CWC22: variants seen among roughly 807,000 people sequenced by gnomAD.
The protein encoded by CWC22 is CWC22 spliceosome associated protein.
Under a neutral mutation model 117.2 loss-of-function variants are expected in CWC22, and 53 were observed. The observed-to-expected ratio is 0.45, with a 90% CI of 0.36 to 0.57. The LOEUF (loss-of-function observed/expected upper bound fraction) is 0.57. Among genes scored for constraint, CWC22 ranks in the 20% least tolerant of loss-of-function variants. The pLI is 0.00. For missense variants in CWC22, 980 were observed against 1,068.8 expected (o/e 0.92, Z 1.16); for synonymous variants, 360 against 355.6 (o/e 1.01, Z -0.14).
Position 179,959,032 on chromosome 2 carries a change from T to C in CWC22, c.1448A>G (p.Glu483Gly). Residue 483 changes from glutamate to glycine, a missense_variant, in exon 14 of 20, where the codon GAA becomes GGA. Glu to Gly is a moderately conservative substitution (Grantham distance 98). Coordinates refer to ENST00000410053, the MANE Select transcript of CWC22 (RefSeq NM_020943.3). ...AHKLLKMEFP[E>G]SQTKELCNMI... ...AAAGTATTAACATACTGTTTGGCTTTCAGGAAACTCCATTTTCAGCAATTT... is the reference window on the plus strand; with the variant it reads ...AAAGTATTAACATACTGTTTGGCTTCCAGGAAACTCCATTTTCAGCAATTT... 6.4e-7 allele frequency: 1 copy of C among 1,561,704 alleles called. No homozygotes were observed. Among genetic ancestry groups the C allele is most frequent in the Non-Finnish European group, 8.7e-7 (1 of 1,147,902 alleles).
chr2:179,994,930 C>T (rs1460509955), intron 1 of CWC22, among the ~76,000 whole-genome samples: 1 of 152,146 alleles, frequency 6.6e-6, no homozygotes, highest in Non-Finnish European at 1.5e-5. Context: ...TCCTGGCAAA[C>T]ACAGTGAAAC....
chr2:180,006,644 G>C (rs1687984274), intron 1 of CWC22, among the ~76,000 whole-genome samples: 1 of 152,168 alleles, frequency 6.6e-6, no homozygotes, highest in South Asian at 2.1e-4. Flanking sequence ...TAATCAACTA[G>C]ATCTCATTAA....
intron 6 of CWC22, among the ~76,000 whole-genome samples, chr2:179,977,329 G>C (rs1281961373): frequency 6.6e-6 from 1 of 152,154 alleles, no homozygotes; most frequent in Non-Finnish European, 1.5e-5. Context: ...AACAACTAAA[G>C]TGTCTGTTGT....
At position 179,964,644 on chromosome 2, in the gene CWC22, C is replaced by A. The variant is rs1686843915; in HGVS notation, c.1316-16G>T. On this transcript the variant is annotated splice_polypyrimidine_tract_variant and intron_variant, in intron 12 of 19. Coordinates refer to ENST00000410053, the MANE Select transcript of CWC22 (RefSeq NM_020943.3). Reference sequence around the variant, plus strand: ...ACTTTTTGTCCTGAAAGAAACATAACAAAATTACACAACTGCAAAAATAAA... The same window carrying A: ...ACTTTTTGTCCTGAAAGAAACATAAAAAAATTACACAACTGCAAAAATAAA... 2 of 1,303,458 alleles carry A rather than the reference C, an allele frequency of 1.5e-6. No individual in the cohort carries two copies. The highest frequency in any genetic ancestry group is 1.5e-5 in the African/African-American group (1 of 68,044). The allele number at this position is 1,303,458 out of a possible 1,614,324, so 80.7% of individuals were successfully genotyped here.
intron 1 of CWC22, among the ~76,000 whole-genome samples, chr2:179,996,730 A>G (rs1348417999): frequency 6.6e-6 from 1 of 152,104 alleles, no homozygotes; most frequent in Non-Finnish European, 1.5e-5. Context: ...AACACGGTAA[A>G]GATGGTAAAT....
intron 3 of CWC22, 95 bp from the exon 4 acceptor site, chr2:179,986,900 A>G: frequency 1.7e-6 from 1 of 585,440 alleles, no homozygotes; most frequent in South Asian, 2.7e-5. Context: ...AAGCAACTCT[A>G]TGACTGAACA....
intron 4 of CWC22, among the ~76,000 whole-genome samples, chr2:179,984,607 T>C (rs867435414): frequency 6.6e-6 from 1 of 151,962 alleles, no homozygotes; most frequent in Non-Finnish European, 1.5e-5. Context: ...CAAAAAAAGA[T>C]ATTGATTTTA....
chr2:179,985,093 TTTG>T (rs1337242515), intron 4 of CWC22, among the ~76,000 whole-genome samples: 6 of 152,144 alleles, frequency 3.9e-5, no homozygotes, highest in Admixed American at 6.5e-5. Context: ...TCAGAAGAAG[TTTG>T]TTAAGAAATT....
chr2:180,001,930 C>G (rs1243713588), intron 1 of CWC22, among the ~76,000 whole-genome samples: 1 of 152,224 alleles, frequency 6.6e-6, no homozygotes, highest in African/African-American at 2.4e-5. Flanking sequence ...ATTCCCAACA[C>G]TAGAGGCTCT....
At chr2:179,958,936 T>G (rs1379403217) in intron 14 of CWC22, 86 bp downstream of exon 14, 1 of 724,174 alleles carries the variant, frequency 1.4e-6, no homozygotes. Flanking sequence ...AGGTATTGCT[T>G]CAATCCACAA....
intron 19 of CWC22, among the ~76,000 whole-genome samples, chr2:179,947,756 G>C (rs1472115014): frequency 6.6e-6 from 1 of 152,182 alleles, no homozygotes; most frequent in Non-Finnish European, 1.5e-5. Flanking sequence ...AATTCTGGAT[G>C]TCACACAGTA....
At position 179,993,401 on chromosome 2, in the gene CWC22, T is replaced by C. The variant is rs181500408; in HGVS notation, c.-60A>G. ...GCTTCAAACTGGTCCAAATAACAAGTACCCAATGCTCTGAATTCCTTGACA... is the reference window on the plus strand; with the variant it reads ...GCTTCAAACTGGTCCAAATAACAAGCACCCAATGCTCTGAATTCCTTGACA... On this transcript the variant is annotated 5_prime_UTR_variant, in exon 2 of 20. Coordinates refer to ENST00000410053, the MANE Select transcript of CWC22 (RefSeq NM_020943.3). 7.2e-4 allele frequency: 860 copies of C among 1,193,836 alleles called. 6 individuals are homozygous for C. The South Asian group carries it at 9.5e-3, about 13-fold the overall frequency. 74.0% of individuals were successfully genotyped at this position (1,193,836 alleles called of 1,614,324 possible).
chr2:180,001,708 GT>G (rs1687853692), intron 1 of CWC22, among the ~76,000 whole-genome samples: 1 of 151,880 alleles, frequency 6.6e-6, no homozygotes, highest in South Asian at 2.1e-4. Flanking sequence ...ACTTACCAAT[GT>G]TACACAGTAA....
chr2:179,949,407 C>A (rs1021981456), intron 19 of CWC22, among the ~76,000 whole-genome samples: 2 of 151,954 alleles, frequency 1.3e-5, no homozygotes, highest in Non-Finnish European at 2.9e-5. Flanking sequence ...TCCAAATGGC[C>A]AATAATGGAT....
At chr2:180,004,933 G>A (rs1687934839) in intron 1 of CWC22, among the ~76,000 whole-genome samples, 1 of 151,920 alleles carries the variant, frequency 6.6e-6, no homozygotes, top group Non-Finnish European at 1.5e-5. Context: ...TCTGAGGACG[G>A]GGGAGGATGA....
At chr2:179,972,994 G>GC (rs1687070352) in intron 8 of CWC22, among the ~76,000 whole-genome samples, 199 bp downstream of exon 8, 1 of 151,518 alleles carries the variant, frequency 6.6e-6, no homozygotes, top group Admixed American at 6.6e-5. Flanking sequence ...GGGCGACAGA[G>GC]TGAGACTCCA....
At chr2:179,990,546 C>CAGAGAGAGAGAGAG (rs3082436) in intron 2 of CWC22, among the ~76,000 whole-genome samples, 1 of 144,850 alleles carries the variant, frequency 6.9e-6, no homozygotes, top group African/African-American at 2.6e-5. Context: ...GTGAGACAGA[C>CAGAGAGAGAGAGAG]AGAGAGAGAG....
chr2:179,979,633 A>G (rs1006334260), intron 5 of CWC22, among the ~76,000 whole-genome samples: 1 of 152,118 alleles, frequency 6.6e-6, no homozygotes, highest in Non-Finnish European at 1.5e-5. Context: ...CATGGTGAGG[A>G]TAAAAAACAG....
intron 1 of CWC22, among the ~76,000 whole-genome samples, chr2:180,002,615 T>C (rs1687873994): frequency 6.6e-6 from 1 of 152,186 alleles, no homozygotes; most frequent in Non-Finnish European, 1.5e-5. Context: ...GACAAGGCAT[T>C]GAGGACTCTG....
Sources: gnomAD v4.1 joint callset for allele counts (sites outside exome capture counted in the v4.1 genomes callset) on GRCh38, gnomAD v4.1.1 for gene constraint, MANE v1.5 for transcripts, NCBI Gene and HGNC (gene_info 2026-07-23, HGNC 2026-07-21) for gene names.